The following PHF8 variants were observed in gnomAD, a reference collection of about 807,000 sequenced individuals.
PHF8 encodes the protein histone lysine demethylase PHF8.
In PHF8, 9 loss-of-function variants were observed where a neutral mutation model predicts 74.4. That is an observed-to-expected ratio of 0.12 (90% CI 0.07 to 0.21). The LOEUF (loss-of-function observed/expected upper bound fraction) is 0.21. PHF8 is among the 10% of genes least tolerant of loss of function. The pLI, the probability that PHF8 is intolerant of heterozygous loss-of-function variation, is 1.00. For synonymous variants in PHF8, 311 were observed against 316.6 expected (o/e 0.98, Z 0.19); for missense variants, 478 against 816.6 (o/e 0.59, Z 5.05).
intron 20 of PHF8, among the ~76,000 whole-genome samples, chrX:53,941,299 T>A (rs1468471000): frequency 8.9e-6 from 1 of 112,526 alleles, no homozygotes; most frequent in Non-Finnish European, 1.9e-5. Flanking sequence ...AGTGGTTAAT[T>A]ATTATTCTAT....
At chrX:53,987,730 C>T (rs782099202) in intron 15 of PHF8, 36 bp downstream of exon 15, 3 of 1,110,019 alleles carry the variant, frequency 2.7e-6, no homozygotes, top group Non-Finnish European at 3.7e-6. Context: ...AACAAAAAAA[C>T]GGGCAGGGGA....
At chrX:53,977,201 G>A (rs2065393239) in intron 18 of PHF8, among the ~76,000 whole-genome samples, 1 of 111,261 alleles carries the variant, frequency 9.0e-6, no homozygotes, top group Non-Finnish European at 1.9e-5. Context: ...GGGGAATGGT[G>A]GCACGCACCT....
At chrX:53,966,874 T>C (rs1397663581) in intron 18 of PHF8, among the ~76,000 whole-genome samples, 2 of 103,355 alleles carry the variant, frequency 1.9e-5, no homozygotes, top group Admixed American at 2.0e-4. Flanking sequence ...GGGAGTGCCT[T>C]TGCCCCGCCG....
intron 18 of PHF8, among the ~76,000 whole-genome samples, chrX:53,978,757 C>T (rs929022571): frequency 5.9e-5 from 6 of 102,215 alleles, no homozygotes; most frequent in Admixed American, 2.2e-4. Context: ...AAGATCACGC[C>T]ATTGCCCTCC....
chrX:53,983,938 T>C (rs1462602745), intron 18 of PHF8, among the ~76,000 whole-genome samples: 2 of 112,404 alleles, frequency 1.8e-5, no homozygotes, highest in Non-Finnish European at 3.8e-5. Context: ...AAGGTATACA[T>C]GAAAATGATG....
intron 10 of PHF8, among the ~76,000 whole-genome samples, chrX:54,001,054 G>A (rs1419447767): frequency 1.8e-5 from 2 of 112,560 alleles, no homozygotes; most frequent in South Asian, 3.6e-4. Context: ...TTGGCCAGGC[G>A]TGGTGGCTCA....
chrX:53,938,260 T>C lies in PHF8; in HGVS notation c.*898A>G, dbSNP rs2064697021. The C allele has an allele frequency of 9.7e-7, 1 of 1,032,432 alleles. No homozygotes were observed. The highest frequency in any genetic ancestry group is 1.2e-6 in the Non-Finnish European group (1 of 811,981). The allele number at this position is 1,032,432 out of a possible 1,213,427, so 85.1% of individuals were successfully genotyped here. A position where few individuals can be genotyped will look rare whatever the true frequency, so the allele number is the denominator to read the frequency against. ...GGCTGTAGGGCCAGGGTTATCTGCG[T>C]CATTGGCAGGTGCTTTCAGGTTTCT... is the stretch of plus-strand genomic sequence containing the variant. On this transcript the variant is annotated 3_prime_UTR_variant, in exon 22 of 22. Transcript: ENST00000338154.
At chrX:53,995,894 T>A in intron 11 of PHF8, 112 bp from the exon 12 acceptor site, 1 of 453,942 alleles carries the variant, frequency 2.2e-6, no homozygotes, top group Non-Finnish European at 3.8e-6. Flanking sequence ...AACAAATGAT[T>A]CTGGACCAAT....
intron 2 of PHF8, among the ~76,000 whole-genome samples, chrX:54,041,358 TG>T (rs2066550686): frequency 9.8e-6 from 1 of 101,717 alleles, no homozygotes; most frequent in South Asian, 4.5e-4. Flanking sequence ...CACTCCAGCC[TG>T]GGTGACAAGA....
intron 13 of PHF8, 31 bp from the exon 14 acceptor site, chrX:53,992,870 G>A (rs1257657094): frequency 1.1e-6 from 1 of 950,079 alleles, no homozygotes; most frequent in Non-Finnish European, 1.5e-6. Context: ...GCCGTTACCT[G>A]TCTGGGACTC....
At position 53,938,046 on chromosome X, in the gene PHF8, C is replaced by A. The variant is rs782032821; in HGVS notation, c.*1112G>T. 1 of 1,161,929 alleles carries A rather than the reference C, an allele frequency of 8.6e-7. No individual in the cohort carries two copies. Among genetic ancestry groups the A allele is most frequent in the Admixed American group, 2.6e-5 (1 of 38,071 alleles). ...ATGGCCTGTCTGCATTCTGCTTGAA[C>A]GATGACCTGTCGTCTGGAAGTGCAA... On this transcript the variant is annotated 3_prime_UTR_variant, in exon 22 of 22. Coordinates refer to ENST00000338154, the MANE Select transcript of PHF8 (RefSeq NM_015107.3).
intron 18 of PHF8, among the ~76,000 whole-genome samples, chrX:53,977,945 CTTT>C (rs1319452833): frequency 1.1e-5 from 1 of 89,902 alleles, no homozygotes. Flanking sequence ...TGCGCCCGGC[CTTT>C]TTTTTTTTTT....
chrX:53,937,318 CT>C lies in PHF8; in HGVS notation c.*1839del, dbSNP rs1254613013. On this transcript the variant is annotated 3_prime_UTR_variant, in exon 22 of 22. Transcript: ENST00000338154. ...GGGGGATTTGCTAGCAATTAGCTGC[CT>C]TTGAAAGATCAAGAAGGGGTGTTAA... is the stretch of plus-strand genomic sequence containing the variant. 1.8e-5 allele frequency: 2 copies of C among 111,649 alleles called. No homozygotes were observed. Among genetic ancestry groups the C allele is most frequent in the African/African-American group, 6.6e-5 (2 of 30,507 alleles). 9.2% of individuals were successfully genotyped at this position (111,649 alleles called of 1,213,427 possible).
chrX:54,036,736 C>T (rs1318513573), intron 2 of PHF8, among the ~76,000 whole-genome samples: 1 of 109,204 alleles, frequency 9.2e-6, no homozygotes, highest in Non-Finnish European at 1.9e-5. Context: ...CTGTGGGTCA[C>T]GCCTGTAATC....
rs189244514 is a variant in PHF8, at chrX:53,949,217, C to T, written c.2540-4974G>A. Among the ~76,000 whole-genome samples the T allele has an allele frequency of 5.1e-3, 564 of 110,431 alleles. 2 individuals carry two copies. Among genetic ancestry groups the T allele is most frequent in the African/African-American group, 0.017 (527 of 30,417 alleles). ...AGGTGTGGTGGCACGTGCCTGTAAT[C>T]CCAGCTACTTGGGAAGCTTAGGCAG... On this transcript the variant is annotated intron_variant, in intron 19 of 21. Coordinates refer to ENST00000338154, the MANE Select transcript of PHF8 (RefSeq NM_015107.3).
At chrX:53,978,470 G>A (rs1416775374) in intron 18 of PHF8, among the ~76,000 whole-genome samples, 1 of 111,726 alleles carries the variant, frequency 9.0e-6, no homozygotes, top group Non-Finnish European at 1.9e-5. Context: ...AAAAGAACAA[G>A]CTTTTGATAT....
intron 1 of PHF8, 90 bp from the exon 2 acceptor site, chrX:54,042,910 C>T: frequency 1.4e-6 from 1 of 707,698 alleles, no homozygotes; most frequent in East Asian, 3.8e-5. Context: ...AGAGTTACCG[C>T]CGCCGGGATG....
At chrX:54,033,170 G>C (rs1228487754) in intron 2 of PHF8, among the ~76,000 whole-genome samples, 1 of 110,695 alleles carries the variant, frequency 9.0e-6, no homozygotes, top group African/African-American at 3.3e-5. Flanking sequence ...TGTCTGAGAA[G>C]GCCTGCAAAA....
intron 14 of PHF8, among the ~76,000 whole-genome samples, chrX:53,989,632 G>A (rs1354565173): frequency 1.8e-5 from 2 of 111,905 alleles, no homozygotes; most frequent in East Asian, 2.8e-4. Context: ...CATAGTAGAC[G>A]ATATTAACCA....
Sources: allele counts gnomAD v4.1 joint callset (sites outside exome capture counted in the v4.1 genomes callset), GRCh38; gene constraint gnomAD v4.1.1; transcripts MANE v1.5; gene names NCBI Gene and HGNC (gene_info 2026-07-23, HGNC 2026-07-21).